KIF26A: variants seen among roughly 807,000 people sequenced by gnomAD.
The protein encoded by KIF26A is kinesin-like protein KIF26A.
A neutral mutation model predicts 126.0 loss-of-function variants in KIF26A; 74 were observed. That is an observed-to-expected ratio of 0.59 (90% CI 0.49 to 0.71). KIF26A has a LOEUF of 0.71. Among genes scored for constraint, KIF26A ranks in the 30% least tolerant of loss-of-function variants. The probability of loss-of-function intolerance (pLI) is 0.00; values close to 1 mark genes in which losing one functional copy is unlikely to be tolerated. For missense variants in KIF26A, 2,984 were observed against 2,763.3 expected (o/e 1.08, Z -1.79); for synonymous variants, 1,445 against 1,232.7 (o/e 1.17, Z -3.61).
Position 104,179,906 on chromosome 14 carries a change from G to A in KIF26A, c.*116G>A, listed in dbSNP as rs1052252894. ...AGGATGCGGAGGGGTTTCTGTGCAG[G>A]ACGGGAGTCTCAGAGAGGAGACGGA... On this transcript the variant is annotated 3_prime_UTR_variant, in exon 15 of 15. Coordinates refer to ENST00000423312, the MANE Select transcript of KIF26A (RefSeq NM_015656.2). The A allele has an allele frequency of 2.2e-5, 25 of 1,111,166 alleles. No homozygotes were observed. Among genetic ancestry groups the A allele is most frequent in the Non-Finnish European group, 3.1e-5 (25 of 806,584 alleles). 68.8% of individuals were successfully genotyped at this position (1,111,166 alleles called of 1,614,324 possible).
Position 104,177,608 on chromosome 14 carries a change from C to T in KIF26A, c.4820C>T (p.Pro1607Leu), listed in dbSNP as rs569376848. Residue 1607 changes from proline to leucine, a missense_variant, in exon 12 of 15, where the codon CCG becomes CTG. Coordinates refer to ENST00000423312, the MANE Select transcript of KIF26A (RefSeq NM_015656.2). Reference sequence around the variant, plus strand: ...GGGGAGGAGCGGCCACCCACGGGCCCGGCCCTGCCCTCCCCCTACAGCAAG... The same window carrying T: ...GGGGAGGAGCGGCCACCCACGGGCCTGGCCCTGCCCTCCCCCTACAGCAAG... ...NVGEERPPTG[P>L]ALPSPYSKVT... 60 of 1,527,940 alleles carry T rather than the reference C, an allele frequency of 3.9e-5. No homozygotes were observed. Among genetic ancestry groups the T allele is most frequent in the East Asian group, 9.8e-5 (4 of 40,638 alleles). The allele number at this position is 1,527,940 out of a possible 1,614,324, so 94.6% of individuals were successfully genotyped here. A position where few individuals can be genotyped will look rare whatever the true frequency, so the allele number is the denominator to read the frequency against.
At chr14:104,165,891 G>C (rs2037893754) in intron 4 of KIF26A, among the ~76,000 whole-genome samples, 1 of 152,086 alleles carries the variant, frequency 6.6e-6, no homozygotes, top group Non-Finnish European at 1.5e-5. Context: ...GGTCCCCTGG[G>C]AGTCCACCCC....
At chr14:104,168,726 G>T (rs2141111438) in intron 5 of KIF26A, among the ~76,000 whole-genome samples, 1 of 152,350 alleles carries the variant, frequency 6.6e-6, no homozygotes, top group South Asian at 2.1e-4. Context: ...GGCTTGGCGG[G>T]CATCTGGCAT....
intron 3 of KIF26A, among the ~76,000 whole-genome samples, chr14:104,153,095 G>A (rs192032558): frequency 1.4e-4 from 22 of 152,228 alleles, no homozygotes; most frequent in African/African-American, 3.4e-4. Context: ...CAGAGACCCC[G>A]TAGTCTCTGG....
At position 104,157,769 on chromosome 14, in the gene KIF26A, G is replaced by A. The variant is rs1566858224; in HGVS notation, c.750G>A (p.Val250=). 6.2e-7 allele frequency: 1 copy of A among 1,610,530 alleles called. No homozygotes were observed. The highest frequency in any genetic ancestry group is 1.3e-5 in the African/African-American group (1 of 75,008). ...CTTCCCTCCAGGCCGAGGCAGCGGT[G>A]GCGGCCGTGGCGGTGGCAGACACGG... ...LPPACLAEAA[V]AAVAVADTVR... is the part of the protein sequence containing the mutation. The change falls in exon 4 of 15, where the codon GTG becomes GTA. Residue 250 remains valine, a synonymous_variant. Transcript: ENST00000423312.
Position 104,152,427 on chromosome 14 carries a change from C to A in KIF26A, c.701C>A (p.Ser234Ter). 6.3e-7 allele frequency: 1 copy of A among 1,593,158 alleles called. No individual in the cohort carries two copies. Among genetic ancestry groups the A allele is most frequent in the East Asian group, 2.3e-5 (1 of 43,720 alleles). Reference sequence around the variant, plus strand: ...TGCCTGGAGGGCATGTGGAGTGTCTCGCGGGTCAACAGCTTCCTCCCGCCG... The same window carrying A: ...TGCCTGGAGGGCATGTGGAGTGTCTAGCGGGTCAACAGCTTCCTCCCGCCG... ...QQCLEGMWSVSRVNSFLPPAC... is the reference protein window; with the variant it reads ...QQCLEGMWSV Residue 234 changes from serine to a stop codon, truncating the protein, a stop_gained, in exon 3 of 15, where the codon TCG (serine) becomes TAG (stop). Coordinates refer to ENST00000423312, the MANE Select transcript of KIF26A (RefSeq NM_015656.2). LOFTEE classifies it high-confidence loss of function. This position sits in a 1 kb window ranked among gnomAD's most constrained non-coding sequence, Gnocchi z 5.9.
rs1022112598 is a variant in KIF26A at position 104,177,465 on chromosome 14, G to A, written c.4677G>A (p.Ala1559=). The change falls in exon 12 of 15, where the codon GCG becomes GCA. Residue 1559 remains alanine, a synonymous_variant. Transcript: ENST00000423312. The part of the protein sequence containing the change: ...GRGTVMGTKQ[A]LRAAHSRVHE... The stretch of plus-strand genomic sequence containing the variant: ...GTACCGTCATGGGCACAAAGCAGGC[G>A]CTCCGGGCTGCTCACAGCCGCGTCC... 1.5e-5 allele frequency: 23 copies of A among 1,531,194 alleles called. No individual in the cohort carries two copies. Among genetic ancestry groups the A allele is most frequent in the Admixed American group, 5.9e-5 (3 of 50,570 alleles). 94.9% of individuals were successfully genotyped at this position (1,531,194 alleles called of 1,614,324 possible). A position where few individuals can be genotyped will look rare whatever the true frequency, so the allele number is the denominator to read the frequency against.
Position 104,179,907 on chromosome 14 carries a change from A to C in KIF26A, c.*117A>C. The C allele has an allele frequency of 1.8e-6, 2 of 1,082,350 alleles. No homozygotes were observed. The highest frequency in any genetic ancestry group is 2.6e-6 in the Non-Finnish European group (2 of 782,584). 67.0% of individuals were successfully genotyped at this position (1,082,350 alleles called of 1,614,324 possible). ...GGATGCGGAGGGGTTTCTGTGCAGG[A>C]CGGGAGTCTCAGAGAGGAGACGGAG... On this transcript the variant is annotated 3_prime_UTR_variant, in exon 15 of 15. Transcript: ENST00000423312.
chr14:104,158,708 G>T (rs1339313595), intron 4 of KIF26A, among the ~76,000 whole-genome samples: 13 of 152,244 alleles, frequency 8.5e-5, no homozygotes, highest in Admixed American at 8.5e-4. Flanking sequence ...TGTGGATGGG[G>T]TGGGCCAGGC....
chr14:104,165,033 CTGTATG>C (rs1289335256), intron 4 of KIF26A, among the ~76,000 whole-genome samples: 2 of 149,502 alleles, frequency 1.3e-5, no homozygotes, highest in Non-Finnish European at 1.5e-5. Flanking sequence ...CTGTGTGTGT[CTGTATG>C]TGTATGTGTG....
Position 104,138,658 on chromosome 14 carries a change from C to T in KIF26A, c.-65C>T. 1 of 1,210,674 alleles carries T rather than the reference C, an allele frequency of 8.3e-7. No individual in the cohort carries two copies. The highest frequency in any genetic ancestry group is 1.0e-6 in the Non-Finnish European group (1 of 962,806). The allele number at this position is 1,210,674 out of a possible 1,614,324, so 75.0% of individuals were successfully genotyped here. ...GGCGCCTCGGGGCCGGATCACGTAG[C>T]CGCGGCGCCCCCGGAGAGCCAGCGT... On this transcript the variant is annotated 5_prime_UTR_variant, in exon 1 of 15. Coordinates refer to ENST00000423312, the MANE Select transcript of KIF26A (RefSeq NM_015656.2).
intron 4 of KIF26A, among the ~76,000 whole-genome samples, chr14:104,163,949 C>A (rs1476290363): frequency 6.6e-6 from 1 of 152,142 alleles, no homozygotes; most frequent in East Asian, 1.9e-4. Context: ...TCCTGGCATC[C>A]CCCGGCTCCA....
rs1169732316 is a variant in KIF26A, at chr14:104,138,634, G to A, written c.-89G>A. On this transcript the variant is annotated 5_prime_UTR_variant, in exon 1 of 15. Coordinates refer to ENST00000423312, the MANE Select transcript of KIF26A (RefSeq NM_015656.2). ...CGAGCGGCTGGGCCGGGCCATGGGGGCGCCTCGGGGCCGGATCACGTAGCC... is the reference window on the plus strand; with the variant it reads ...CGAGCGGCTGGGCCGGGCCATGGGGACGCCTCGGGGCCGGATCACGTAGCC... The A allele has an allele frequency of 1.9e-5, 20 of 1,046,544 alleles. No individual in the cohort carries two copies. The Admixed American group carries it at 3.2e-4, about 17-fold the overall frequency. 64.8% of individuals were successfully genotyped at this position (1,046,544 alleles called of 1,614,324 possible).
chr14:104,179,979 CAGGGTGA>C lies in KIF26A; in HGVS notation c.*190_*196del. ...CACGCGGTGGACAGAGCGAGGGTGC[CAGGGTGA>C]CCAGAAGACCGTCACCACCCGACAG... On this transcript the variant is annotated 3_prime_UTR_variant, in exon 15 of 15. Coordinates refer to ENST00000423312, the MANE Select transcript of KIF26A (RefSeq NM_015656.2). 1 of 580,738 alleles carries C rather than the reference CAGGGTGA, an allele frequency of 1.7e-6. No homozygotes were observed. Among genetic ancestry groups the C allele is most frequent in the Non-Finnish European group, 2.8e-6 (1 of 351,546 alleles). The allele number at this position is 580,738 out of a possible 1,614,324, so 36.0% of individuals were successfully genotyped here. A position where few individuals can be genotyped will look rare whatever the true frequency, so the allele number is the denominator to read the frequency against.
In KIF26A at chr14:104,176,529, A is replaced by G. The variant is rs367624454; in HGVS notation, c.3741A>G (p.Val1247=). ...TTGAGGACCCATGGCTGCTCCGGGT[A>G]GGGGAGTGTGATACCCAGGCAGCTT... ...GLFEDPWLLR[V]GECDTQAASA... is the part of the protein sequence containing the mutation. The change falls in exon 12 of 15, where the codon GTA becomes GTG. Residue 1247 remains valine, a synonymous_variant. Transcript: ENST00000423312. 2 of 1,604,844 alleles carry G rather than the reference A, an allele frequency of 1.2e-6. No individual in the cohort carries two copies. Among genetic ancestry groups the G allele is most frequent in the African/African-American group, 1.3e-5 (1 of 74,920 alleles).
chr14:104,161,123 C>T (rs1266725118), intron 4 of KIF26A, among the ~76,000 whole-genome samples: 4 of 152,234 alleles, frequency 2.6e-5, no homozygotes, highest in African/African-American at 7.2e-5. Flanking sequence ...ATCCAGGACA[C>T]AGGAAGTGTG....
rs189597349 is a variant in KIF26A at position 104,166,691 on chromosome 14, G to A, written c.924-168G>A. The stretch of plus-strand genomic sequence containing the variant: ...CGCCATGGAGGCCCCAGCCTGAACC[G>A]TCCACTGTAGAAATGAAGTGCAGGC... On this transcript the variant is annotated intron_variant, in intron 4 of 14. Transcript: ENST00000423312. 7.3e-3 allele frequency among the ~76,000 whole-genome samples: 1,107 copies of A among 152,252 alleles called. 10 individuals carry two copies. The highest frequency in any genetic ancestry group is 0.011 in the Non-Finnish European group (756 of 68,002).
intron 12 of KIF26A, 80 bp from the exon 13 acceptor site, chr14:104,178,470 G>A (rs542736172): frequency 7.6e-4 from 834 of 1,091,016 alleles, no homozygotes; most frequent in African/African-American, 2.5e-3. Context: ...GACTCGGGCC[G>A]GCTCCGCAGC....
rs1375372820 is a variant in KIF26A, at chr14:104,177,440, G to T, written c.4652G>T (p.Gly1551Val). The change falls in exon 12 of 15, where the codon GGT (glycine) becomes GTT (valine). Residue 1551 changes from glycine to valine, a missense_variant. Transcript: ENST00000423312. ...AGTGTCGGGGCGAAGGCTGGCCGGG[G>T]TACCGTCATGGGCACAAAGCAGGCG... ...GPSVGAKAGRGTVMGTKQALR... is the reference protein window; with the variant it reads ...GPSVGAKAGRVTVMGTKQALR... 4 of 1,521,678 alleles carry T rather than the reference G, an allele frequency of 2.6e-6. No homozygotes were observed. The highest frequency in any genetic ancestry group is 2.0e-5 in the Admixed American group (1 of 49,468). 94.3% of individuals were successfully genotyped at this position (1,521,678 alleles called of 1,614,324 possible).
Sources: allele counts gnomAD v4.1 joint callset (sites outside exome capture counted in the v4.1 genomes callset), GRCh38; gene constraint gnomAD v4.1.1; non-coding constraint Gnocchi (gnomAD v3.1); transcripts MANE v1.5; gene names NCBI Gene and HGNC (gene_info 2026-07-23, HGNC 2026-07-21).